The following OPCML variants were observed in gnomAD, a reference collection of about 807,000 sequenced individuals.
OPCML encodes the protein opioid-binding protein/cell adhesion molecule.
In OPCML, 13 loss-of-function variants were observed where a neutral mutation model predicts 37.8. That is an observed-to-expected ratio of 0.34 (90% CI 0.22 to 0.55). OPCML has a LOEUF of 0.55. Ranked by LOEUF, OPCML falls within the 20% of genes least tolerant of loss-of-function variation. The probability of loss-of-function intolerance (pLI) is 0.91; values close to 1 mark genes in which losing one functional copy is unlikely to be tolerated. For synonymous variants in OPCML, 176 were observed against 168.8 expected, an observed-to-expected ratio of 1.04 and a Z score of -0.33; for missense variants, 341 against 435.6, an observed-to-expected ratio of 0.78 and a Z score of 1.93.
At chr11:133,497,179 A>G (rs1174830297) in intron 1 of OPCML, among the ~76,000 whole-genome samples, 1 of 152,160 alleles carries the variant, frequency 6.6e-6, no homozygotes, top group Non-Finnish European at 1.5e-5. Context: ...ACATAATCCC[A>G]AACTTCTTGG....
intron 1 of OPCML, among the ~76,000 whole-genome samples, chr11:133,438,059 C>T (rs1384564553): frequency 6.6e-6 from 1 of 152,088 alleles, no homozygotes; most frequent in Non-Finnish European, 1.5e-5. Context: ...AAATAAAACA[C>T]TAAAAGTTAT....
chr11:133,102,157 T>C (rs958446430), intron 1 of OPCML, among the ~76,000 whole-genome samples: 6 of 152,168 alleles, frequency 3.9e-5, no homozygotes, highest in Non-Finnish European at 8.8e-5. Context: ...TCAAAACCCA[T>C]AGAATATACA....
chr11:133,180,263 C>T (rs1406455260), intron 1 of OPCML, among the ~76,000 whole-genome samples: 9 of 152,156 alleles, frequency 5.9e-5, no homozygotes. Flanking sequence ...GCGTTCAGAC[C>T]TGCCCAGACC....
chr11:132,437,980 G>T (rs1262539006), intron 4 of OPCML, among the ~76,000 whole-genome samples: 1 of 152,178 alleles, frequency 6.6e-6, no homozygotes, highest in South Asian at 2.1e-4. Context: ...AATAAGCATT[G>T]GCCAACACAA....
chr11:133,106,045 A>G (rs1264332258), intron 1 of OPCML, among the ~76,000 whole-genome samples: 1 of 152,178 alleles, frequency 6.6e-6, no homozygotes, highest in African/African-American at 2.4e-5. Context: ...CAATGGTGCC[A>G]TTTTTAAAAT....
chr11:132,442,551 T>C (rs1410922560), intron 4 of OPCML, among the ~76,000 whole-genome samples: 1 of 152,186 alleles, frequency 6.6e-6, no homozygotes, highest in Non-Finnish European at 1.5e-5. Flanking sequence ...TCTTATCTTC[T>C]CTCTGAATAC....
rs556397643 is a variant in OPCML, at chr11:132,775,741, G to T, written c.147-118422C>A. 5.9e-5 allele frequency among the ~76,000 whole-genome samples: 9 copies of T among 152,204 alleles called. 1 individual carries two copies. Among genetic ancestry groups the T allele is most frequent in the Non-Finnish European group, 1.3e-4 (9 of 68,042 alleles). On this transcript the variant is annotated intron_variant, in intron 2 of 7. Transcript: ENST00000524381. ...GCAGAGGCTCCTAGAAAACAGCAGA[G>T]CTCCTCAGCCTCTTTCAAAGAATGC...
intron 2 of OPCML, among the ~76,000 whole-genome samples, chr11:132,698,319 C>T (rs1382902372): frequency 6.6e-6 from 1 of 152,146 alleles, no homozygotes; most frequent in African/African-American, 2.4e-5. Flanking sequence ...TTTTGTCATG[C>T]TGACAACTGG....
chr11:132,895,636 T>C (rs1354761896), intron 2 of OPCML, among the ~76,000 whole-genome samples: 3 of 152,172 alleles, frequency 2.0e-5, no homozygotes, highest in Non-Finnish European at 4.4e-5. Flanking sequence ...CACTGAGCTA[T>C]GAAATTCTGA....
At chr11:132,430,720 A>T (rs1240791814) in intron 7 of OPCML, among the ~76,000 whole-genome samples, 1 of 152,178 alleles carries the variant, frequency 6.6e-6, no homozygotes, top group Admixed American at 6.5e-5. Flanking sequence ...CACAGATAAA[A>T]TGTGAGAAAT....
At chr11:133,400,415 G>A (rs528972674) in intron 1 of OPCML, among the ~76,000 whole-genome samples, 90 of 152,230 alleles carry the variant, frequency 5.9e-4, no homozygotes, top group African/African-American at 1.5e-3. Flanking sequence ...TGCTCCTTCC[G>A]CTAAATTATT....
chr11:133,302,121 TAA>T (rs1189564593), intron 1 of OPCML: 2 of 152,194 alleles, frequency 1.3e-5, no homozygotes, highest in African/African-American at 4.8e-5. Context: ...CATTGTGAGC[TAA>T]GATAACTGCT....
intron 2 of OPCML, among the ~76,000 whole-genome samples, chr11:132,695,086 C>A (rs573584019): frequency 6.6e-6 from 1 of 152,198 alleles, no homozygotes; most frequent in African/African-American, 2.4e-5. Flanking sequence ...ACAACCTCAG[C>A]TGATGCAATG....
chr11:133,055,994 T>C (rs561414715), intron 1 of OPCML, among the ~76,000 whole-genome samples: 2 of 152,242 alleles, frequency 1.3e-5, no homozygotes, highest in South Asian at 2.1e-4. Context: ...GCCTCCATGA[T>C]AATTCCAAGT....
intron 1 of OPCML, among the ~76,000 whole-genome samples, chr11:133,272,165 C>G (rs1320899023): frequency 6.6e-6 from 1 of 150,934 alleles, no homozygotes; most frequent in East Asian, 2.0e-4. Flanking sequence ...TTTCTTAGCC[C>G]TTATACTGCT....
At chr11:133,372,919 A>C (rs1234627239) in intron 1 of OPCML, among the ~76,000 whole-genome samples, 3 of 152,232 alleles carry the variant, frequency 2.0e-5, no homozygotes, top group African/African-American at 7.2e-5. Flanking sequence ...TTACATAGGC[A>C]TTTGAGTTGA....
intron 2 of OPCML, among the ~76,000 whole-genome samples, chr11:132,878,312 T>C (rs987907237): frequency 6.6e-6 from 1 of 152,226 alleles, no homozygotes; most frequent in African/African-American, 2.4e-5. Context: ...TGTGAGAACA[T>C]TGTTGCATGA....
At chr11:132,523,397 C>T (rs1269403069) in intron 4 of OPCML, among the ~76,000 whole-genome samples, 2 of 138,090 alleles carry the variant, frequency 1.4e-5, no homozygotes, top group African/African-American at 5.0e-5. Context: ...TCATCAGTGC[C>T]ATTGATCACA....
At chr11:133,517,621 A>T (rs2120671661) in intron 1 of OPCML, among the ~76,000 whole-genome samples, 1 of 152,346 alleles carries the variant, frequency 6.6e-6, no homozygotes, top group South Asian at 2.1e-4. Flanking sequence ...TCTGAGAGGC[A>T]TCATCTCAGG....
Sources: gnomAD v4.1 joint callset for allele counts (sites outside exome capture counted in the v4.1 genomes callset) on GRCh38, gnomAD v4.1.1 for gene constraint, MANE v1.5 for transcripts, NCBI Gene and HGNC (gene_info 2026-07-23, HGNC 2026-07-21) for gene names.